Variants in R3HDM4 observed in about 807,000 individuals in gnomAD.
R3HDM4 encodes the protein R3H domain-containing protein 4.
R3HDM4 carries 30 observed loss-of-function variants against 31.3 expected under a neutral mutation model. The observed-to-expected ratio is 0.96, with a 90% CI of 0.72 to 1.30. R3HDM4 has a LOEUF of 1.30. R3HDM4 is among the 50% of genes most tolerant of loss of function. The pLI, the probability that R3HDM4 is intolerant of heterozygous loss-of-function variation, is 0.00. For synonymous variants in R3HDM4, 196 were observed against 156.6 expected, an observed-to-expected ratio of 1.25 and a Z score of -1.88; for missense variants, 444 against 366.1, an observed-to-expected ratio of 1.21 and a Z score of -1.74.
chr19:902,120 T>G lies in R3HDM4; in HGVS notation c.82A>C (p.Ser28Arg). 6.2e-7 allele frequency: 1 copy of G among 1,613,068 alleles called. No homozygotes were observed. Among genetic ancestry groups the G allele is most frequent in the Non-Finnish European group, 8.5e-7 (1 of 1,179,872 alleles). ...GAGCTGGCTAGGGCAGGCAGGCAGCTGGGAAGGGGCCTGTGGGCCGGGGCA... is the reference window on the plus strand; with the variant it reads ...GAGCTGGCTAGGGCAGGCAGGCAGCGGGGAAGGGGCCTGTGGGCCGGGGCA... The part of the protein sequence containing the change: ...PGGRRLLPLP[S>R]CLPALASSQV... Residue 28 changes from serine (S) to arginine (R), a missense_variant, in exon 2 of 8, where the codon AGC (serine) becomes CGC (arginine). Transcript: ENST00000361574.
At chr19:910,405 G>A (rs1315177786) in intron 1 of R3HDM4, among the ~76,000 whole-genome samples, 1 of 151,850 alleles carries the variant, frequency 6.6e-6, no homozygotes, top group Non-Finnish European at 1.5e-5. Context: ...GATCGCCTGA[G>A]CCCGCAGGTG....
chr19:912,643 G>A (rs1250013117), intron 1 of R3HDM4, among the ~76,000 whole-genome samples: 1 of 118,520 alleles, frequency 8.4e-6, no homozygotes, highest in Non-Finnish European at 1.8e-5. Flanking sequence ...CGGAGAGTGG[G>A]GGCACGGACC....
chr19:907,326 T>C lies in R3HDM4; in HGVS notation c.72-5196A>G, dbSNP rs1019830554. ...CTGCCTCCCTGAGGCCGGAGCACTC[T>C]GTCCCATGCCCCAGATTCACCCACA... On this transcript the variant is annotated intron_variant, in intron 1 of 7. Transcript: ENST00000361574. The surrounding 1 kb of genome is among the most constrained non-coding windows in gnomAD (Gnocchi z 4.1). Among the ~76,000 whole-genome samples, 13 of 152,074 alleles carry C rather than the reference T, an allele frequency of 8.5e-5. No homozygotes were observed. Among genetic ancestry groups the C allele is most frequent in the Non-Finnish European group, 1.9e-4 (13 of 68,004 alleles).
Position 913,128 on chromosome 19 carries a change from G to A in R3HDM4, c.30C>T (p.Gly10=), listed in dbSNP as rs1429361076. Residue 10 remains glycine, a synonymous_variant, in exon 1 of 8, where the codon GGC becomes GGT. Coordinates refer to ENST00000361574, the MANE Select transcript of R3HDM4 (RefSeq NM_138774.4). This position sits in a 1 kb window ranked among gnomAD's most constrained non-coding sequence, Gnocchi z 5.0. MVALENPEC[G]PEAAEGTPGG... Reference sequence around the variant, plus strand: ...CCGGGGTGCCCTCCGCCGCCTCCGGGCCGCACTCGGGGTTCTCCAGCGCGA... The same window carrying A: ...CCGGGGTGCCCTCCGCCGCCTCCGGACCGCACTCGGGGTTCTCCAGCGCGA... 5 of 1,090,298 alleles carry A rather than the reference G, an allele frequency of 4.6e-6. No homozygotes were observed. The highest frequency in any genetic ancestry group is 3.3e-6 in the Non-Finnish European group (3 of 897,096). 67.5% of individuals were successfully genotyped at this position (1,090,298 alleles called of 1,614,324 possible).
chr19:906,240 G>GTTTTT (rs1568342572), intron 1 of R3HDM4, among the ~76,000 whole-genome samples: 2 of 137,410 alleles, frequency 1.5e-5, no homozygotes, highest in African/African-American at 5.6e-5. Flanking sequence ...TTTTTTTTGA[G>GTTTTT]ACAGAGTCTC....
intron 1 of R3HDM4, among the ~76,000 whole-genome samples, chr19:906,345 GA>G (rs2036905923): frequency 6.6e-6 from 1 of 150,920 alleles, no homozygotes; most frequent in Admixed American, 6.6e-5. Context: ...TCAGCCTCCC[GA>G]GTAGCTGGGA....
Position 901,536 on chromosome 19 carries a change from G to A in R3HDM4, c.237C>T (p.Leu79=). Residue 79 remains leucine, a synonymous_variant, in exon 3 of 8, where the codon CTC becomes CTT. Coordinates refer to ENST00000361574, the MANE Select transcript of R3HDM4 (RefSeq NM_138774.4). ...CCCCGTCTGTCTCCAGCAGGGTCAGGAGGTACTGGGCTAGGTGGAAACAGA... is the reference window on the plus strand; with the variant it reads ...CCCCGTCTGTCTCCAGCAGGGTCAGAAGGTACTGGGCTAGGTGGAAACAGA... The part of the protein sequence containing the change: ...SLQRLENTQY[L]LTLLETDGGL... 1 of 1,605,838 alleles carries A rather than the reference G, an allele frequency of 6.2e-7. No homozygotes were observed. The highest frequency in any genetic ancestry group is 8.5e-7 in the Non-Finnish European group (1 of 1,179,656).
chr19:899,295 C>A lies in R3HDM4; in HGVS notation c.703+145G>T. On this transcript the variant is annotated intron_variant, in intron 7 of 7. Coordinates refer to ENST00000361574, the MANE Select transcript of R3HDM4 (RefSeq NM_138774.4). This position sits in a 1 kb window ranked among gnomAD's most constrained non-coding sequence, Gnocchi z 6.8. Reference sequence around the variant, plus strand: ...AATTCAAGGCAGGGTCCCACTGCCACCCCTGAGTTCGTAGCGTCCCCACTC... The same window carrying A: ...AATTCAAGGCAGGGTCCCACTGCCAACCCTGAGTTCGTAGCGTCCCCACTC... 1 of 799,524 alleles carries A rather than the reference C, an allele frequency of 1.3e-6. No homozygotes were observed. The allele number at this position is 799,524 out of a possible 1,614,324, so 49.5% of individuals were successfully genotyped here.
rs986998051 is a variant in R3HDM4 at position 907,058 on chromosome 19, G to A, written c.72-4928C>T. ...TTGAACTCCTGACCTTAAGTGATCC[G>A]CCTGCCTCAGCCTCCCAAAGTGCTG... On this transcript the variant is annotated intron_variant, in intron 1 of 7. Transcript: ENST00000361574. This position sits in a 1 kb window ranked among gnomAD's most constrained non-coding sequence, Gnocchi z 4.1. 2.0e-5 allele frequency among the ~76,000 whole-genome samples: 3 copies of A among 151,862 alleles called. No homozygotes were observed. Among genetic ancestry groups the A allele is most frequent in the South Asian group, 2.1e-4 (1 of 4,810 alleles).
At chr19:904,378 A>G (rs1242308677) in intron 1 of R3HDM4, among the ~76,000 whole-genome samples, 1 of 152,158 alleles carries the variant, frequency 6.6e-6, no homozygotes, top group Non-Finnish European at 1.5e-5. Flanking sequence ...CCACCAAATC[A>G]ATCCTCAATA....
At chr19:904,636 T>G (rs1252775209) in intron 1 of R3HDM4, among the ~76,000 whole-genome samples, 1 of 151,424 alleles carries the variant, frequency 6.6e-6, no homozygotes, top group African/African-American at 2.4e-5. Context: ...GAGTTCAAGA[T>G]CAGCCTGGGC....
Position 913,171 on chromosome 19 carries a change from TCGCCGCCGCCGC to T in R3HDM4, c.-26_-15del, listed in dbSNP as rs947644831. On this transcript the variant is annotated 5_prime_UTR_variant, in exon 1 of 8. Transcript: ENST00000361574. The surrounding 1 kb of genome is among the most constrained non-coding windows in gnomAD (Gnocchi z 5.0). ...CAGCGCGACCATGGCTCGCACGCTG[TCGCCGCCGCCGC>T]CGCCCGGCAGGGCCTTCACCGGGCC... 3 of 1,063,564 alleles carry T rather than the reference TCGCCGCCGCCGC, an allele frequency of 2.8e-6. No homozygotes were observed. Among genetic ancestry groups the T allele is most frequent in the East Asian group, 1.5e-4 (2 of 13,600 alleles). 65.9% of individuals were successfully genotyped at this position (1,063,564 alleles called of 1,614,324 possible).
intron 3 of R3HDM4, 173 bp downstream of exon 3, chr19:901,249 G>C: frequency 1.4e-6 from 1 of 730,248 alleles, no homozygotes; most frequent in Non-Finnish European, 2.2e-6. Flanking sequence ...TTCCAGGGGT[G>C]GGGTGGGGAT....
intron 7 of R3HDM4, among the ~76,000 whole-genome samples, chr19:898,253 A>T (rs1323852938): frequency 6.8e-6 from 1 of 146,122 alleles, no homozygotes; most frequent in Non-Finnish European, 1.5e-5. Flanking sequence ...TATATACAAA[A>T]AATTAGCAGG....
Position 913,072 on chromosome 19 carries a change from C to T in R3HDM4, c.71+15G>A. ...CGCCCCCGGCGCCCGCCGCGCCCCG[C>T]CCGCCCGCGCTCACAGCAGCCGCCG... is the stretch of plus-strand genomic sequence containing the variant. On this transcript the variant is annotated intron_variant, in intron 1 of 7. Coordinates refer to ENST00000361574, the MANE Select transcript of R3HDM4 (RefSeq NM_138774.4). This position sits in a 1 kb window ranked among gnomAD's most constrained non-coding sequence, Gnocchi z 5.0. 9.6e-7 allele frequency: 1 copy of T among 1,040,776 alleles called. No individual in the cohort carries two copies. The highest frequency in any genetic ancestry group is 1.2e-6 in the Non-Finnish European group (1 of 866,988). The allele number at this position is 1,040,776 out of a possible 1,614,324, so 64.5% of individuals were successfully genotyped here. A position where few individuals can be genotyped will look rare whatever the true frequency, so the allele number is the denominator to read the frequency against.
intron 1 of R3HDM4, among the ~76,000 whole-genome samples, chr19:911,366 C>G (rs2036969696): frequency 6.6e-6 from 1 of 152,234 alleles, no homozygotes; most frequent in Admixed American, 6.5e-5. Flanking sequence ...ATCGCTTGAA[C>G]CCAGGAGGTG....
At chr19:906,704 C>A (rs561736160) in intron 1 of R3HDM4, among the ~76,000 whole-genome samples, 3 of 152,186 alleles carry the variant, frequency 2.0e-5, no homozygotes, top group Non-Finnish European at 4.4e-5. Flanking sequence ...GTAAGTGTCG[C>A]TGGACTGAGT....
At chr19:902,634 C>T (rs1381907301) in intron 1 of R3HDM4, 3 of 152,110 alleles carry the variant, frequency 2.0e-5, no homozygotes. Context: ...AAGACTGTGT[C>T]CAAAAAAAAT....
intron 1 of R3HDM4, among the ~76,000 whole-genome samples, chr19:904,998 G>C (rs1433471040): frequency 6.6e-6 from 1 of 152,064 alleles, no homozygotes; most frequent in African/African-American, 2.4e-5. Flanking sequence ...CTTGAGGTCA[G>C]GAGTTCAAGA....
Sources: allele counts gnomAD v4.1 joint callset (sites outside exome capture counted in the v4.1 genomes callset), GRCh38; gene constraint gnomAD v4.1.1; non-coding constraint Gnocchi (gnomAD v3.1); transcripts MANE v1.5; gene names NCBI Gene and HGNC (gene_info 2026-07-23, HGNC 2026-07-21).